BABAM2: variants seen among roughly 807,000 people sequenced by gnomAD.
BABAM2 encodes BRISC and BRCA1 A complex member 2.
A neutral mutation model predicts 54.7 loss-of-function variants in BABAM2; 31 were observed. The observed-to-expected ratio is 0.57, with a 90% CI of 0.43 to 0.77. The LOEUF (loss-of-function observed/expected upper bound fraction) is 0.77, where lower values mean the gene tolerates loss of function less well. Among genes scored for constraint, BABAM2 ranks in the 30% least tolerant of loss-of-function variants. The pLI is 0.00. For missense variants in BABAM2, 364 were observed against 455.8 expected, an observed-to-expected ratio of 0.80 and a Z score of 1.83; for synonymous variants, 167 against 162.9, an observed-to-expected ratio of 1.03 and a Z score of -0.19.
At chr2:27,979,078 A>T (rs938848814) in intron 3 of BABAM2, among the ~76,000 whole-genome samples, 1 of 143,156 alleles carries the variant, frequency 7.0e-6, no homozygotes, top group Admixed American at 7.3e-5. Flanking sequence ...CCCAGGCTGG[A>T]GTGCAGCGGC....
chr2:28,043,346 G>A (rs570493570), intron 5 of BABAM2, among the ~76,000 whole-genome samples: 83 of 152,128 alleles, frequency 5.5e-4, no homozygotes, highest in African/African-American at 1.9e-3. Flanking sequence ...GGCCAGGCTG[G>A]TCTCGAACTC....
In BABAM2 at chr2:28,302,403, C is replaced by T. The variant is rs929419083; in HGVS notation, c.1088+3912C>T. On this transcript the variant is annotated intron_variant, in intron 11 of 11. Coordinates refer to ENST00000379624, the MANE Select transcript of BABAM2 (RefSeq NM_199191.3). ...CTGCACTCCAGCCTGGGTGACAGAG[C>T]GAGACTCCATCTCAAAAAAAAAAAA... Among the ~76,000 whole-genome samples, 8 of 134,722 alleles carry T rather than the reference C, an allele frequency of 5.9e-5. No individual in the cohort carries two copies. In the South Asian group the frequency reaches 1.5e-3, roughly 26 times the overall value. 88.4% of individuals were successfully genotyped at this position (134,722 alleles called of 152,430 possible). A position where few individuals can be genotyped will look rare whatever the true frequency, so the allele number is the denominator to read the frequency against.
intron 10 of BABAM2, among the ~76,000 whole-genome samples, chr2:28,250,639 G>A (rs1293995609): frequency 2.9e-5 from 4 of 137,084 alleles, no homozygotes; most frequent in East Asian, 4.3e-4. Flanking sequence ...TCGCTCTGTC[G>A]CCCAGGCTGG....
intron 6 of BABAM2, among the ~76,000 whole-genome samples, chr2:28,052,727 C>T (rs1235643820): frequency 1.3e-5 from 2 of 152,102 alleles, no homozygotes; most frequent in East Asian, 3.9e-4. Flanking sequence ...TGCTGTCATT[C>T]TTTTATATTG....
intron 5 of BABAM2, among the ~76,000 whole-genome samples, chr2:28,041,087 G>A (rs576079040): frequency 6.6e-6 from 1 of 152,316 alleles, no homozygotes; most frequent in African/African-American, 2.4e-5. Flanking sequence ...ATGAGTCCAA[G>A]TGCTAAATAT....
chr2:28,009,843 T>C (rs577751101), intron 4 of BABAM2, among the ~76,000 whole-genome samples: 1 of 152,130 alleles, frequency 6.6e-6, no homozygotes, highest in South Asian at 2.1e-4. Flanking sequence ...GTGCAAAAGA[T>C]GTAAAGGTTT....
chr2:27,943,555 GCT>G (rs1410418063), intron 3 of BABAM2, among the ~76,000 whole-genome samples: 1 of 152,158 alleles, frequency 6.6e-6, no homozygotes, highest in African/African-American at 2.4e-5. Flanking sequence ...TAATGGAAGT[GCT>G]CTCTATTTAG....
chr2:28,025,176 G>T, intron 4 of BABAM2, 50 bp from the exon 5 acceptor site: 4 of 1,477,110 alleles, frequency 2.7e-6, no homozygotes, highest in African/African-American at 1.4e-5. Flanking sequence ...TACTGGATTT[G>T]TATGAAATTT....
At chr2:28,314,388 A>G (rs377114058) in intron 11 of BABAM2, among the ~76,000 whole-genome samples, 2 of 152,172 alleles carry the variant, frequency 1.3e-5, no homozygotes, top group Admixed American at 6.5e-5. Flanking sequence ...GATTGGTTTC[A>G]TACTGCACCA....
intron 10 of BABAM2, among the ~76,000 whole-genome samples, chr2:28,252,127 A>C (rs1246338211): frequency 1.3e-5 from 2 of 151,846 alleles, no homozygotes; most frequent in Non-Finnish European, 2.9e-5. Context: ...TGGAGGTTGC[A>C]GTGAGCCGAG....
At chr2:28,058,988 G>A (rs866781588) in intron 6 of BABAM2, among the ~76,000 whole-genome samples, 1 of 152,072 alleles carries the variant, frequency 6.6e-6, no homozygotes, top group African/African-American at 2.4e-5. Context: ...GCTGGTTACC[G>A]TTGCCTCCCT....
intron 4 of BABAM2, among the ~76,000 whole-genome samples, chr2:27,991,795 G>T (rs1672796397): frequency 6.6e-6 from 1 of 152,174 alleles, no homozygotes; most frequent in Admixed American, 6.5e-5. Flanking sequence ...TCAGTTGATA[G>T]ACTTACAGGT....
intron 3 of BABAM2, among the ~76,000 whole-genome samples, chr2:27,932,324 T>G (rs191328155): frequency 6.6e-6 from 1 of 152,336 alleles, no homozygotes; most frequent in Admixed American, 6.5e-5. Flanking sequence ...ATAGGTCCTT[T>G]AAATTCCTTC....
chr2:28,026,843 A>AATATTTATATATATAG (rs1675760922), intron 5 of BABAM2, among the ~76,000 whole-genome samples: 1 of 40,650 alleles, frequency 2.5e-5, no homozygotes, highest in Admixed American at 3.5e-4. Context: ...AATATATATA[A>AATATTTATATATATAG]ATATATATTT....
chr2:28,187,195 A>G (rs72816498), intron 7 of BABAM2, among the ~76,000 whole-genome samples: 6,332 of 152,156 alleles, frequency 0.042, 184 homozygotes, highest in Middle Eastern at 0.082. Flanking sequence ...CCTATTTTCT[A>G]TCTCTCATGA....
At chr2:28,193,710 G>A (rs1431216701) in intron 7 of BABAM2, among the ~76,000 whole-genome samples, 1 of 152,174 alleles carries the variant, frequency 6.6e-6, no homozygotes, top group Admixed American at 6.5e-5. Context: ...TTCTGTAACA[G>A]ATGATGTCAC....
intron 7 of BABAM2, among the ~76,000 whole-genome samples, chr2:28,204,699 A>G (rs1678644270): frequency 6.6e-6 from 1 of 152,178 alleles, no homozygotes. Context: ...GCCAACCTTT[A>G]TTGAATGCTT....
chr2:27,931,995 G>T (rs559136253), intron 3 of BABAM2, among the ~76,000 whole-genome samples: 11 of 152,190 alleles, frequency 7.2e-5, no homozygotes, highest in Admixed American at 4.6e-4. Context: ...GATTGCTCTG[G>T]AGGCCTGTTC....
At chr2:28,242,925 T>A (rs1431408137) in intron 9 of BABAM2, among the ~76,000 whole-genome samples, 1 of 152,198 alleles carries the variant, frequency 6.6e-6, no homozygotes, top group African/African-American at 2.4e-5. Context: ...ATACCATTGA[T>A]CTTCTTATTT....
Sources: allele counts gnomAD v4.1 joint callset (sites outside exome capture counted in the v4.1 genomes callset), GRCh38; gene constraint gnomAD v4.1.1; transcripts MANE v1.5; gene names NCBI Gene and HGNC (gene_info 2026-07-23, HGNC 2026-07-21).